CAST: variants seen among roughly 807,000 people sequenced by gnomAD.
CAST encodes the protein calpastatin.
A neutral mutation model predicts 119.6 loss-of-function variants in CAST; 76 were observed. The ratio of observed to expected loss-of-function variants is 0.64; its 90% CI spans 0.53 to 0.77. The LOEUF is 0.77. CAST is among the 30% of genes least tolerant of loss of function. The pLI, the probability that CAST is intolerant of heterozygous loss-of-function variation, is 0.00. For synonymous variants in CAST, 319 were observed against 331.6 expected (o/e 0.96, Z 0.41); for missense variants, 953 against 946.5 (o/e 1.01, Z -0.09).
At chr5:96,288,931 G>A in the CAST span, among the ~76,000 whole-genome samples, 1 of 152,014 alleles carries the variant, frequency 6.6e-6, no homozygotes, top group South Asian at 2.1e-4. Flanking sequence ...TCTTAGGTGA[G>A]CTGGTTAATG....
the CAST span, among the ~76,000 whole-genome samples, chr5:96,503,598 C>T: frequency 3.3e-5 from 5 of 152,328 alleles, no homozygotes; most frequent in Admixed American, 6.5e-5. Context: ...CCAAAGAGCA[C>T]GGCATAAAAC....
chr5:96,616,751 TATACACACAC>T (rs1227380214), intron 1 of CAST, among the ~76,000 whole-genome samples: 89 of 118,514 alleles, frequency 7.5e-4, no homozygotes, highest in Non-Finnish European at 1.1e-3. Flanking sequence ...TCTCTATATA[TATACACACAC>T]ACACACACAC....
chr5:96,299,181 G>T, the CAST span, among the ~76,000 whole-genome samples: 1 of 151,944 alleles, frequency 6.6e-6, no homozygotes, highest in Admixed American at 6.6e-5. Context: ...GGAAGCAGAG[G>T]TTGTAGTGAG....
At chr5:96,309,425 G>T in the CAST span, among the ~76,000 whole-genome samples, 3 of 152,200 alleles carry the variant, frequency 2.0e-5, no homozygotes, top group African/African-American at 7.2e-5. Flanking sequence ...AGACCACTTG[G>T]CTCCCTGGCT....
the CAST span, among the ~76,000 whole-genome samples, chr5:96,108,564 G>A: frequency 2.6e-5 from 4 of 152,254 alleles, no homozygotes; most frequent in African/African-American, 7.2e-5. Flanking sequence ...ACCCACTTGA[G>A]GAGGCAGTGT....
At chr5:96,516,923 A>G in the CAST span, among the ~76,000 whole-genome samples, 3 of 152,302 alleles carry the variant, frequency 2.0e-5, no homozygotes, top group African/African-American at 7.2e-5. Flanking sequence ...TAACCCCTCA[A>G]TGACATGACG....
intron 1 of CAST, among the ~76,000 whole-genome samples, chr5:96,667,289 A>G (rs1484674357): frequency 6.6e-6 from 1 of 152,210 alleles, no homozygotes; most frequent in Non-Finnish European, 1.5e-5. Context: ...ACAGTTGTTT[A>G]TTGTCCACCT....
At chr5:96,500,357 A>G in the CAST span, among the ~76,000 whole-genome samples, 1 of 152,196 alleles carries the variant, frequency 6.6e-6, no homozygotes, top group Non-Finnish European at 1.5e-5. Context: ...TTAACTGTAT[A>G]GTAATATATT....
At chr5:96,644,444 A>G (rs1175400665) in intron 1 of CAST, among the ~76,000 whole-genome samples, 1 of 152,244 alleles carries the variant, frequency 6.6e-6, no homozygotes, top group Non-Finnish European at 1.5e-5. Flanking sequence ...ACAAATAAAA[A>G]TTTACTACAA....
At chr5:96,484,567 A>G in the CAST span, among the ~76,000 whole-genome samples, 2 of 152,136 alleles carry the variant, frequency 1.3e-5, no homozygotes, top group Admixed American at 1.3e-4. Flanking sequence ...ACCATTCATG[A>G]TTCTCAGTTT....
In CAST at chr5:96,600,040, C is replaced by T. The variant is rs146875151; in HGVS notation, c.60+70160C>T. On this transcript the variant is annotated intron_variant, in intron 1 of 11. Coordinates refer to the CAST transcript ENST00000505143. ...TTTGAAGTGTTTTGTATCATTTCTTCCAAAGGTAGTGGCTAGACAACTTTC... is the reference window on the plus strand; with the variant it reads ...TTTGAAGTGTTTTGTATCATTTCTTTCAAAGGTAGTGGCTAGACAACTTTC... Among the ~76,000 whole-genome samples the T allele has an allele frequency of 9.5e-4, 142 of 148,706 alleles. 1 individual carries two copies. Among genetic ancestry groups the T allele is most frequent in the Middle Eastern group, 3.5e-3 (1 of 286 alleles).
At chr5:96,271,236 T>C in the CAST span, among the ~76,000 whole-genome samples, 1 of 151,932 alleles carries the variant, frequency 6.6e-6, no homozygotes, top group African/African-American at 2.4e-5. Flanking sequence ...AATGTAGAAA[T>C]AGTAAAAAAA....
At chr5:96,525,505 G>A (rs536316273), upstream of CAST, 9 of 152,308 alleles carry the variant, frequency 5.9e-5, no homozygotes, top group South Asian at 1.7e-3. Context: ...ATAAAAACCA[G>A]TTCCTGCCCT....
intron 28 of CAST, 24 bp downstream of exon 28, chr5:96,767,506 C>G: frequency 1.2e-6 from 2 of 1,601,960 alleles, no homozygotes; most frequent in Non-Finnish European, 1.7e-6. Flanking sequence ...GAACATATTT[C>G]CATTAAATTT....
chr5:96,393,210 GT>G, the CAST span: 1 of 1,614,104 alleles, frequency 6.2e-7, no homozygotes, highest in African/African-American at 1.3e-5. Flanking sequence ...GACTTCTTTG[GT>G]GATTGCTTTG....
the CAST span, among the ~76,000 whole-genome samples, chr5:96,325,249 TGA>T: frequency 5.3e-5 from 8 of 152,042 alleles, no homozygotes; most frequent in African/African-American, 1.9e-4. Flanking sequence ...AAACTAAAGC[TGA>T]AGACTAGAAT....
At chr5:96,228,441 C>T in the CAST span, among the ~76,000 whole-genome samples, 4 of 152,138 alleles carry the variant, frequency 2.6e-5, no homozygotes, top group Admixed American at 1.3e-4. Context: ...TTATCTTTCC[C>T]TCTCACTATC....
At chr5:96,741,092 A>G (rs1049747733) in intron 13 of CAST, 174 bp from the exon 14 acceptor site, 11 of 601,538 alleles carry the variant, frequency 1.8e-5, no homozygotes, top group Non-Finnish European at 2.7e-5. Flanking sequence ...AATAATACTC[A>G]ATGAGTAGCC....
At chr5:96,507,441 G>C in the CAST span, among the ~76,000 whole-genome samples, 1 of 152,194 alleles carries the variant, frequency 6.6e-6, no homozygotes, top group African/African-American at 2.4e-5. Context: ...ATATGAGTCA[G>C]GTGTTCCCAG....
Sources: allele counts gnomAD v4.1 joint callset (sites outside exome capture counted in the v4.1 genomes callset), GRCh38; gene constraint gnomAD v4.1.1; transcripts MANE v1.5; gene names NCBI Gene and HGNC (gene_info 2026-07-23, HGNC 2026-07-21).